LTBP3: variants seen among roughly 807,000 people sequenced by gnomAD.
LTBP3 encodes latent transforming growth factor beta binding protein 3, also known as latent-transforming growth factor beta-binding protein 3.
Under a neutral mutation model 159.7 loss-of-function variants are expected in LTBP3, and 97 were observed. That is an observed-to-expected ratio of 0.61 (90% confidence interval 0.52 to 0.72). The LOEUF is 0.72. Among genes scored for constraint, LTBP3 ranks in the 30% least tolerant of loss-of-function variants. The probability of loss-of-function intolerance (pLI) is 0.00; values close to 1 mark genes in which losing one functional copy is unlikely to be tolerated. For synonymous variants in LTBP3, 824 were observed against 777.1 expected (o/e 1.06, Z -1.00); for missense variants, 1,584 against 1,864.3 (o/e 0.85, Z 2.77).
intron 19 of LTBP3, 97 bp from the exon 20 acceptor site, chr11:65,541,390 G>T: frequency 6.7e-7 from 1 of 1,489,506 alleles, no homozygotes; most frequent in Non-Finnish European, 9.2e-7. Context: ...ACATTCCCTG[G>T]CTCCCCTTAG....
At chr11:65,555,645 C>G (rs1217265460) in intron 1 of LTBP3, among the ~76,000 whole-genome samples, 1 of 152,098 alleles carries the variant, frequency 6.6e-6, no homozygotes, top group Non-Finnish European at 1.5e-5. Context: ...ACAGGGGGTT[C>G]GGGGGAATGA....
At position 65,547,975 on chromosome 11, in the gene LTBP3, G is replaced by A. The variant is rs1590774841; in HGVS notation, c.1791C>T (p.Tyr597=). Residue 597 remains tyrosine (Y), a synonymous_variant, in exon 12 of 28, where the codon TAC becomes TAT. Transcript: ENST00000301873. The surrounding 1 kb of genome is among the most constrained non-coding windows in gnomAD (Gnocchi z 4.6). Reference sequence around the variant, plus strand: ...GGTAGCCGGGGTTGCAGTGGCAGGAGTAGTCAGGGGGGCCCGGCACGCACT... The same window carrying A: ...GGTAGCCGGGGTTGCAGTGGCAGGAATAGTCAGGGGGGCCCGGCACGCACT... ...HGECVPGPPD[Y]SCHCNPGYRS... 1 of 1,613,870 alleles carries A rather than the reference G, an allele frequency of 6.2e-7. No homozygotes were observed. The highest frequency in any genetic ancestry group is 8.5e-7 in the Non-Finnish European group (1 of 1,179,992).
At chr11:65,549,795 C>G (rs1245047997) in intron 11 of LTBP3, among the ~76,000 whole-genome samples, 2 of 149,760 alleles carry the variant, frequency 1.3e-5, no homozygotes, top group Non-Finnish European at 3.0e-5. Context: ...GTGGCGCACA[C>G]CTGTAATCCT....
intron 16 of LTBP3, chr11:65,545,810 A>G (rs1180071410): frequency 5.3e-6 from 1 of 189,128 alleles, no homozygotes; most frequent in African/African-American, 2.3e-5. Flanking sequence ...GGCAGGACTT[A>G]GGGGGCCCTC....
At position 65,539,530 on chromosome 11, in the gene LTBP3, C is replaced by CGACCCGGCAGCACTCACCTCTTGGGGGCT; in HGVS notation, c.3617_3628+17dup. Reference sequence around the variant, plus strand: ...AAAGGCTACCAACCCCGCCACCGCCCGACCCGGCAGCACTCACCTCTTGGG... The same window carrying CGACCCGGCAGCACTCACCTCTTGGGGGCT: ...AAAGGCTACCAACCCCGCCACCGCCCGACCCGGCAGCACTCACCTCTTGGGGGCTGACCCGGCAGCACTCACCTCTTGGG... On this transcript the variant is annotated intron_variant, in intron 26 of 27. Transcript: ENST00000301873. 1 of 1,610,736 alleles carries CGACCCGGCAGCACTCACCTCTTGGGGGCT rather than the reference C, an allele frequency of 6.2e-7. No homozygotes were observed. The highest frequency in any genetic ancestry group is 8.5e-7 in the Non-Finnish European group (1 of 1,178,486).
chr11:65,549,909 G>A, intron 11 of LTBP3, among the ~76,000 whole-genome samples: 1 of 151,924 alleles, frequency 6.6e-6, no homozygotes, highest in East Asian at 1.9e-4. Context: ...CACAAGGTGA[G>A]ACCCTGTCTC....
intron 11 of LTBP3, among the ~76,000 whole-genome samples, chr11:65,550,890 T>A (rs1209472842): frequency 6.6e-6 from 1 of 152,234 alleles, no homozygotes; most frequent in East Asian, 1.9e-4. Flanking sequence ...AAAAGACCTG[T>A]AACACTAATA....
chr11:65,557,317 C>T lies in LTBP3; in HGVS notation c.331+312G>A, dbSNP rs150838926. ...GTCCCCGGCTCACATTCCTCAAAAACCCTGTGTGCTCCTGCTCAGAACTCA... is the reference window on the plus strand; with the variant it reads ...GTCCCCGGCTCACATTCCTCAAAAATCCTGTGTGCTCCTGCTCAGAACTCA... On this transcript the variant is annotated intron_variant, in intron 1 of 27. Transcript: ENST00000301873. Among the ~76,000 whole-genome samples, 123 of 152,224 alleles carry T rather than the reference C, an allele frequency of 8.1e-4. 2 individuals carry two copies. The East Asian group carries it at 0.019, about 23-fold the overall frequency.
At chr11:65,550,099 C>CT (rs1478935983) in intron 11 of LTBP3, among the ~76,000 whole-genome samples, 1 of 152,078 alleles carries the variant, frequency 6.6e-6, no homozygotes, top group African/African-American at 2.4e-5. Context: ...TCTCCTATGT[C>CT]TTATAAATGC....
At position 65,557,760 on chromosome 11, in the gene LTBP3, G is replaced by A. The variant is rs755611922; in HGVS notation, c.200C>T (p.Ala67Val). 6.2e-7 allele frequency: 1 copy of A among 1,603,550 alleles called. No homozygotes were observed. Residue 67 changes from alanine to valine, a missense_variant, in exon 1 of 28, where the codon GCG (alanine) becomes GTG (valine). Ala to Val is a moderately conservative substitution (Grantham distance 64). Transcript: ENST00000301873. ...ACAGGTCCGCTTGCAGATCACCGGC[G>A]CAAAGACCACCTTGAAGCGCTCGCG... Reference protein sequence around the residue: ...LARERFKVVFAPVICKRTCLK... With the variant: ...LARERFKVVFVPVICKRTCLK...
In LTBP3 at chr11:65,546,410, CGGAGGCCCGGGGCGGG is replaced by C. The variant is rs1856369898; in HGVS notation, c.2353+16_2353+31del. ...CCCGGCTTCAGCGCGTAGGGGGCGG[CGGAGGCCCGGGGCGGG>C]GGTGCTGGCGCTCACCCAAGCAACT... On this transcript the variant is annotated intron_variant, in intron 16 of 27. Transcript: ENST00000301873. The surrounding 1 kb of genome is among the most constrained non-coding windows in gnomAD (Gnocchi z 4.0). 3 of 1,515,848 alleles carry C rather than the reference CGGAGGCCCGGGGCGGG, an allele frequency of 2.0e-6. No individual in the cohort carries two copies. In the East Asian group the frequency reaches 7.4e-5, roughly 37 times the overall value. 93.9% of individuals were successfully genotyped at this position (1,515,848 alleles called of 1,614,324 possible).
Position 65,540,642 on chromosome 11 carries a change from C to A in LTBP3, c.2978-28G>T, listed in dbSNP as rs200140278. 648 of 1,605,076 alleles carry A rather than the reference C, an allele frequency of 4.0e-4. 2 individuals are homozygous for A. The highest frequency in any genetic ancestry group is 4.9e-4 in the Non-Finnish European group (579 of 1,175,906). On this transcript the variant is annotated intron_variant, in intron 21 of 27. Coordinates refer to ENST00000301873, the MANE Select transcript of LTBP3 (RefSeq NM_001130144.3). Reference sequence around the variant, plus strand: ...GCGGGGTGACAAACACTGGCCGCTCCGGTCCCGCAGCTGCAGCCCGGAGGC... The same window carrying A: ...GCGGGGTGACAAACACTGGCCGCTCAGGTCCCGCAGCTGCAGCCCGGAGGC...
rs920944964 is a variant in LTBP3 at position 65,551,153 on chromosome 11, C to T, written c.1693G>A (p.Val565Ile). The T allele has an allele frequency of 1.9e-6, 3 of 1,553,760 alleles. No homozygotes were observed. Among genetic ancestry groups the T allele is most frequent in the East Asian group, 2.4e-5 (1 of 41,078 alleles). Reference sequence around the variant, plus strand: ...GTGACCTGAGTGGGAGCGATCTCTACGGCGCTGCGGGAAGGAGGCAAGTCC... The same window carrying T: ...GTGACCTGAGTGGGAGCGATCTCTATGGCGCTGCGGGAAGGAGGCAAGTCC... ...LPDLPPSRSAVEIAPTQVTET... is the reference protein window; with the variant it reads ...LPDLPPSRSAIEIAPTQVTET... The change falls in exon 11 of 28, where the codon GTA (valine) becomes ATA (isoleucine). Residue 565 changes from valine to isoleucine, a missense_variant. By Grantham distance (29) the Val-to-Ile change is conservative (BLOSUM62 3). Transcript: ENST00000301873.
Position 65,539,020 on chromosome 11 carries a change from G to A in LTBP3, c.*60C>T, listed in dbSNP as rs996161103. On this transcript the variant is annotated 3_prime_UTR_variant, in exon 28 of 28. Coordinates refer to ENST00000301873, the MANE Select transcript of LTBP3 (RefSeq NM_001130144.3). Reference sequence around the variant, plus strand: ...CACAAGTCGGGGCAGAAGTGAGGCCGAGCTCGCGGAAATCCCTCAGTGATC... The same window carrying A: ...CACAAGTCGGGGCAGAAGTGAGGCCAAGCTCGCGGAAATCCCTCAGTGATC... 3.0e-6 allele frequency: 4 copies of A among 1,325,686 alleles called. No individual in the cohort carries two copies. Among genetic ancestry groups the A allele is most frequent in the African/African-American group, 1.6e-5 (1 of 64,102 alleles). 82.1% of individuals were successfully genotyped at this position (1,325,686 alleles called of 1,614,324 possible). A position where few individuals can be genotyped will look rare whatever the true frequency, so the allele number is the denominator to read the frequency against.
intron 1 of LTBP3, among the ~76,000 whole-genome samples, chr11:65,555,642 G>T (rs1420440416): frequency 1.3e-5 from 2 of 152,204 alleles, no homozygotes; most frequent in Non-Finnish European, 2.9e-5. Context: ...CCCACAGGGG[G>T]TTCGGGGGAA....
At position 65,553,618 on chromosome 11, in the gene LTBP3, C is replaced by G; in HGVS notation, c.864+83G>C. 1 of 1,516,980 alleles carries G rather than the reference C, an allele frequency of 6.6e-7. No homozygotes were observed. Among genetic ancestry groups the G allele is most frequent in the East Asian group, 2.4e-5 (1 of 41,792 alleles). The allele number at this position is 1,516,980 out of a possible 1,614,324, so 94.0% of individuals were successfully genotyped here. ...TGGGCCTTTTCCTCTTCCCCCGCCC[C>G]TCAGTTTTCTGCTATCCGAGTGAGT... On this transcript the variant is annotated intron_variant, in intron 3 of 27. Coordinates refer to ENST00000301873, the MANE Select transcript of LTBP3 (RefSeq NM_001130144.3). The surrounding 1 kb of genome is among the most constrained non-coding windows in gnomAD (Gnocchi z 6.5).
Position 65,552,490 on chromosome 11 carries a change from T to G in LTBP3, c.1187-84A>C. 6.5e-7 allele frequency: 1 copy of G among 1,547,248 alleles called. No individual in the cohort carries two copies. ...GCCCAGCTGCTGCAGACCTTGCCTC[T>G]CCGGCCCAGACAACCCTTGATCCCC... On this transcript the variant is annotated intron_variant, in intron 6 of 27. Coordinates refer to ENST00000301873, the MANE Select transcript of LTBP3 (RefSeq NM_001130144.3). This position sits in a 1 kb window ranked among gnomAD's most constrained non-coding sequence, Gnocchi z 6.0.
rs112989522 is a variant in LTBP3, at chr11:65,552,786, A to G, written c.1186+74T>C. The stretch of plus-strand genomic sequence containing the variant: ...GCAGTCAACCCTTAACCCCACTCTG[A>G]TCTCTTGCGATCTCTGATCCTTGCT... On this transcript the variant is annotated intron_variant, in intron 6 of 27. Transcript: ENST00000301873. This position sits in a 1 kb window ranked among gnomAD's most constrained non-coding sequence, Gnocchi z 6.0. 71 of 1,608,506 alleles carry G rather than the reference A, an allele frequency of 4.4e-5. 1 individual carries two copies. In the East Asian group the frequency reaches 1.6e-3, roughly 35 times the overall value.
chr11:65,538,962 G>A lies in LTBP3; in HGVS notation c.*118C>T. On this transcript the variant is annotated 3_prime_UTR_variant, in exon 28 of 28. Coordinates refer to ENST00000301873, the MANE Select transcript of LTBP3 (RefSeq NM_001130144.3). ...CCTCGGGTCTCAAGGCGCCGGGAGG[G>A]TCTGCGGGCCCTGAAGGTCCCTGGG... 2 of 1,316,578 alleles carry A rather than the reference G, an allele frequency of 1.5e-6. No homozygotes were observed. Among genetic ancestry groups the A allele is most frequent in the East Asian group, 3.1e-5 (1 of 32,098 alleles). 81.6% of individuals were successfully genotyped at this position (1,316,578 alleles called of 1,614,324 possible).
Sources: allele counts gnomAD v4.1 joint callset (sites outside exome capture counted in the v4.1 genomes callset), GRCh38; gene constraint gnomAD v4.1.1; non-coding constraint Gnocchi (gnomAD v3.1); transcripts MANE v1.5; gene names NCBI Gene and HGNC (gene_info 2026-07-23, HGNC 2026-07-21).